Variants in SLC25A22 observed in about 807,000 individuals in gnomAD.
SLC25A22 encodes mitochondrial glutamate carrier 1.
Under a neutral mutation model 33.7 loss-of-function variants are expected in SLC25A22, and 23 were observed. That is an observed-to-expected ratio of 0.68 (90% CI 0.49 to 0.97). SLC25A22 has a LOEUF of 0.97. SLC25A22 is among the 50% of genes least tolerant of loss of function. SLC25A22 has a pLI of 0.00. For synonymous variants in SLC25A22, 245 were observed against 203.8 expected (o/e 1.20, Z -1.72); for missense variants, 390 against 451.1 (o/e 0.86, Z 1.23).
intron 5 of SLC25A22, 166 bp downstream of exon 5, chr11:793,363 C>T (rs1270609088): frequency 2.9e-6 from 2 of 695,970 alleles, no homozygotes; most frequent in African/African-American, 1.8e-5. Flanking sequence ...CTGCTTTGCT[C>T]CCCTGGTCAG....
rs1184604379 is a variant in SLC25A22, at chr11:793,017, G to A, written c.294-29C>T. 3 of 1,605,264 alleles carry A rather than the reference G, an allele frequency of 1.9e-6. No individual in the cohort carries two copies. In the South Asian group the frequency reaches 3.3e-5, roughly 18 times the overall value. On this transcript the variant is annotated intron_variant, in intron 5 of 9. Transcript: ENST00000628067. The stretch of plus-strand genomic sequence containing the variant: ...TGGTAGGGGCGGGGCCGCAGTAAGT[G>A]GGAAGAGACAGGTCTACCTGCCACC...
In SLC25A22 at chr11:792,434, G is replaced by A. The variant is rs199847999; in HGVS notation, c.612C>T (p.Tyr204=). ...GGTTCAGGTTGGCAAAGAGCGGGAA[G>A]TACACCACAGAGAAGGGGACATCCC... ...LLRDVPFSVV[Y]FPLFANLNQL... Residue 204 remains tyrosine, a synonymous_variant, in exon 8 of 10, where the codon TAC becomes TAT. Coordinates refer to ENST00000628067, the MANE Select transcript of SLC25A22 (RefSeq NM_001191061.2). The A allele has an allele frequency of 1.2e-6, 2 of 1,613,468 alleles. No homozygotes were observed. Among genetic ancestry groups the A allele is most frequent in the Non-Finnish European group, 1.7e-6 (2 of 1,179,960 alleles).
At chr11:796,729 G>A (rs1045617857) in intron 1 of SLC25A22, among the ~76,000 whole-genome samples, 4 of 152,194 alleles carry the variant, frequency 2.6e-5, no homozygotes, top group Non-Finnish European at 5.9e-5. Context: ...CTGTCCACAG[G>A]GAAGAGCTAG....
At chr11:797,525 C>G (rs1864894290) in intron 1 of SLC25A22, 1 of 397,854 alleles carries the variant, frequency 2.5e-6, no homozygotes, top group Non-Finnish European at 4.4e-6. Context: ...AGCAGGAGAG[C>G]AGAGACCACC....
intron 3 of SLC25A22, 131 bp downstream of exon 3, chr11:794,645 G>A (rs1565039619): frequency 6.6e-7 from 1 of 1,522,378 alleles, no homozygotes; most frequent in South Asian, 1.2e-5. Context: ...GACCCACGTG[G>A]GATCTCCCCT....
chr11:794,698 G>A lies in SLC25A22; in HGVS notation c.146+78C>T. The A allele has an allele frequency of 3.2e-6, 5 of 1,552,602 alleles. No homozygotes were observed. In the South Asian group the frequency reaches 3.5e-5, roughly 11 times the overall value. ...GTTTCCCTTCTGTCAAACAGGGTGG[G>A]GGGCACAGGAGCAGAGCCCCCACCT... On this transcript the variant is annotated intron_variant, in intron 3 of 9. Coordinates refer to ENST00000628067, the MANE Select transcript of SLC25A22 (RefSeq NM_001191061.2).
At position 794,916 on chromosome 11, in the gene SLC25A22, G is replaced by A. The variant is rs759055009; in HGVS notation, c.21-15C>T. On this transcript the variant is annotated splice_polypyrimidine_tract_variant and intron_variant, in intron 2 of 9. Transcript: ENST00000628067. Reference sequence around the variant, plus strand: ...TGGCTGGCAGGCTGTGTGGACAGGGGTGTCAGGACCGGCTTCCTTGACCAT... The same window carrying A: ...TGGCTGGCAGGCTGTGTGGACAGGGATGTCAGGACCGGCTTCCTTGACCAT... 3.1e-5 allele frequency: 48 copies of A among 1,564,652 alleles called. No homozygotes were observed. The Admixed American group carries it at 8.6e-4, about 28-fold the overall frequency.
At chr11:796,485 T>G (rs1233291405) in intron 1 of SLC25A22, 2 of 152,336 alleles carry the variant, frequency 1.3e-5, no homozygotes, top group Non-Finnish European at 2.9e-5. Context: ...CATGTGTTCC[T>G]GTCTGCTGCC....
In SLC25A22 at chr11:792,396, G is replaced by A. The variant is rs139555989; in HGVS notation, c.650C>T (p.Pro217Leu). 2.0e-5 allele frequency: 32 copies of A among 1,613,398 alleles called. No homozygotes were observed. The highest frequency in any genetic ancestry group is 5.3e-5 in the African/African-American group (4 of 75,034). Residue 217 changes from proline to leucine, a missense_variant, in exon 8 of 10, where the codon CCG becomes CTG. Pro to Leu is a moderately conservative substitution (Grantham distance 98). Coordinates refer to ENST00000628067, the MANE Select transcript of SLC25A22 (RefSeq NM_001191061.2). ...GAAAGGCGACTTCTCCTCGGACGCC[G>A]GGCGGCCCAGCTGGTTCAGGTTGGC... Reference protein sequence around the residue: ...LFANLNQLGRPASEEKSPFYV... With the variant: ...LFANLNQLGRLASEEKSPFYV...
rs1186774568 is a variant in SLC25A22, at chr11:794,701, G to A, written c.146+75C>T. 45 of 1,550,220 alleles carry A rather than the reference G, an allele frequency of 2.9e-5. 1 individual carries two copies. The highest frequency in any genetic ancestry group is 3.5e-6 in the Non-Finnish European group (4 of 1,149,758). On this transcript the variant is annotated intron_variant, in intron 3 of 9. Transcript: ENST00000628067. ...TCCCTTCTGTCAAACAGGGTGGGGG[G>A]CACAGGAGCAGAGCCCCCACCTCTC...
rs1864774725 is a variant in SLC25A22 at position 795,477 on chromosome 11, G to C, written c.-163-308C>G. The C allele has an allele frequency of 2.9e-5, 10 of 345,282 alleles. 2 individuals carry two copies. Among genetic ancestry groups the C allele is most frequent in the South Asian group, 2.3e-4 (10 of 43,280 alleles). The allele number at this position is 345,282 out of a possible 1,614,324, so 21.4% of individuals were successfully genotyped here. On this transcript the variant is annotated intron_variant, in intron 1 of 9. Transcript: ENST00000628067. ...GGCTTTTAAAGGGCCAGGCACCTCT[G>C]GGGGCAGTGCCAGGGGCCGGGGCCA...
intron 7 of SLC25A22, 26 bp downstream of exon 7, chr11:792,526 TC>T (rs543775528): frequency 2.5e-6 from 4 of 1,610,452 alleles, no homozygotes; most frequent in East Asian, 2.2e-5. Context: ...CCCCCTTCCC[TC>T]CCCCCACCTG....
chr11:792,938 GTGC>G lies in SLC25A22; in HGVS notation c.341_343del (p.Gly114_Thr115delinsAla). 1 of 1,613,232 alleles carries G rather than the reference GTGC, an allele frequency of 6.2e-7. No individual in the cohort carries two copies. The highest frequency in any genetic ancestry group is 8.5e-7 in the Non-Finnish European group (1 of 1,179,904). On this transcript the variant is annotated inframe_deletion, in exon 6 of 10. Transcript: ENST00000628067. ...GGGCGTGGTCACGATCACCTGGCAG[GTGC>G]CAGCCCCACAGCCCGCCAGCATCTC...
chr11:796,955 G>T (rs980865427), intron 1 of SLC25A22, among the ~76,000 whole-genome samples: 2 of 149,390 alleles, frequency 1.3e-5, no homozygotes, highest in African/African-American at 4.9e-5. Flanking sequence ...CACCCCTGCC[G>T]CCCCACTCTT....
At chr11:793,421 G>A in intron 5 of SLC25A22, 108 bp downstream of exon 5, 1 of 1,054,098 alleles carries the variant, frequency 9.5e-7, no homozygotes, top group East Asian at 2.5e-5. Context: ...CCCCAAGCAA[G>A]GGGCTGAAGA....
chr11:792,490 AGGT>A, intron 7 of SLC25A22, 32 bp from the exon 8 acceptor site: 3 of 1,609,716 alleles, frequency 1.9e-6, no homozygotes, highest in Non-Finnish European at 2.5e-6. Flanking sequence ...TGGGGACAGG[AGGT>A]GGTGGGGTGG....
chr11:793,681 C>A, intron 4 of SLC25A22, 62 bp from the exon 5 acceptor site: 1 of 1,152,664 alleles, frequency 8.7e-7, no homozygotes, highest in Non-Finnish European at 1.3e-6. Flanking sequence ...AGGCGCTTGG[C>A]CAGGACTTGC....
intron 4 of SLC25A22, chr11:793,860 GGCA>G: frequency 1.7e-6 from 1 of 581,636 alleles, no homozygotes; most frequent in Non-Finnish European, 3.1e-6. Context: ...TCTGATTCTG[GGCA>G]GCATCTTGCT....
At chr11:792,811 C>T (rs1864605913) in intron 6 of SLC25A22, 59 bp downstream of exon 6, 1 of 1,557,186 alleles carries the variant, frequency 6.4e-7, no homozygotes, top group Non-Finnish European at 8.7e-7. Flanking sequence ...CCCCACCCTC[C>T]CCTCGCCCTC....
Sources: allele counts gnomAD v4.1 joint callset (sites outside exome capture counted in the v4.1 genomes callset), GRCh38; gene constraint gnomAD v4.1.1; transcripts MANE v1.5; gene names NCBI Gene and HGNC (gene_info 2026-07-23, HGNC 2026-07-21).